Variants in PIEZO2 observed in about 807,000 individuals in gnomAD.
PIEZO2 encodes the protein piezo type mechanosensitive ion channel component 2, also known as piezo-type mechanosensitive ion channel component 2.
Under a neutral mutation model 337.3 loss-of-function variants are expected in PIEZO2, and 172 were observed. The observed-to-expected ratio is 0.51, with a 90% confidence interval of 0.45 to 0.58. The LOEUF is 0.58. Among genes scored for constraint, PIEZO2 ranks in the 20% least tolerant of loss-of-function variants. PIEZO2 has a pLI of 0.00. For synonymous variants in PIEZO2, 1,251 were observed against 1,228.5 expected, an observed-to-expected ratio of 1.02 and a Z score of -0.38; for missense variants, 3,028 against 3,391.3, an observed-to-expected ratio of 0.89 and a Z score of 2.66.
chr18:10,835,994 G>C lies in PIEZO2; in HGVS notation c.917+19359C>G, dbSNP rs544623984. On this transcript the variant is annotated intron_variant, in intron 7 of 55. Coordinates refer to ENST00000674853, the MANE Select transcript of PIEZO2 (RefSeq NM_001378183.1). Reference sequence around the variant, plus strand: ...CTCTGACAGAGTAATATCAGTGTCAGAAACTAATGTAAACAGGTCCAAATA... The same window carrying C: ...CTCTGACAGAGTAATATCAGTGTCACAAACTAATGTAAACAGGTCCAAATA... Among the ~76,000 whole-genome samples the C allele has an allele frequency of 1.6e-4, 25 of 152,324 alleles. No homozygotes were observed. In the East Asian group the frequency reaches 4.8e-3, roughly 29 times the overall value.
At chr18:10,845,200 G>GTTTA (rs1555658863) in intron 7 of PIEZO2, among the ~76,000 whole-genome samples, 3 of 149,130 alleles carry the variant, frequency 2.0e-5, no homozygotes, top group Non-Finnish European at 1.5e-5. Flanking sequence ...GTGTGTGTGT[G>GTTTA]TATATATATA....
chr18:10,948,052 G>T (rs945013141), intron 3 of PIEZO2, among the ~76,000 whole-genome samples: 1 of 152,030 alleles, frequency 6.6e-6, no homozygotes, highest in African/African-American at 2.4e-5. Context: ...AAAAAACAGT[G>T]GATGACAGAC....
chr18:10,687,656 G>A (rs1209664748), intron 49 of PIEZO2, among the ~76,000 whole-genome samples: 2 of 152,166 alleles, frequency 1.3e-5, no homozygotes, highest in East Asian at 1.9e-4. Context: ...GAAGAATGTG[G>A]TAGAAGCACT....
intron 49 of PIEZO2, among the ~76,000 whole-genome samples, chr18:10,685,424 T>A (rs2034506347): frequency 6.6e-6 from 1 of 152,164 alleles, no homozygotes; most frequent in Non-Finnish European, 1.5e-5. Context: ...TATACTTAAG[T>A]AGCTGTGATA....
In PIEZO2 at chr18:10,945,771, A is replaced by G. The variant is rs1459848738; in HGVS notation, c.286+33764T>C. Among the ~76,000 whole-genome samples, 3 of 152,240 alleles carry G rather than the reference A, an allele frequency of 2.0e-5. No homozygotes were observed. The highest frequency in any genetic ancestry group is 7.2e-5 in the African/African-American group (3 of 41,468). ...GAAGGCAAGAAAATAAAAAGTTATT[A>G]TAATTGCATTCCATATGTTCAAACA... On this transcript the variant is annotated intron_variant, in intron 3 of 55. Coordinates refer to ENST00000674853, the MANE Select transcript of PIEZO2 (RefSeq NM_001378183.1). The surrounding 1 kb of genome is among the most constrained non-coding windows in gnomAD (Gnocchi z 4.0).
intron 7 of PIEZO2, among the ~76,000 whole-genome samples, chr18:10,835,514 A>ACT (rs1289743578): frequency 6.6e-6 from 1 of 151,960 alleles, no homozygotes; most frequent in Non-Finnish European, 1.5e-5. Flanking sequence ...CTGGAACCAA[A>ACT]CTTAGCTACA....
chr18:10,752,619 C>T lies in PIEZO2; in HGVS notation c.4167+17G>A. The T allele has an allele frequency of 2.0e-6, 3 of 1,536,092 alleles. No homozygotes were observed. Among genetic ancestry groups the T allele is most frequent in the Non-Finnish European group, 2.6e-6 (3 of 1,146,080 alleles). On this transcript the variant is annotated intron_variant, in intron 28 of 55. Coordinates refer to ENST00000674853, the MANE Select transcript of PIEZO2 (RefSeq NM_001378183.1). ...ACACGAAAACCGCAAATGTGTTATG[C>T]AGTGGCAACCACTTACTGACAGGAT... is the stretch of plus-strand genomic sequence containing the variant.
chr18:11,068,050 T>C (rs539900787), intron 1 of PIEZO2, among the ~76,000 whole-genome samples: 44 of 152,146 alleles, frequency 2.9e-4, no homozygotes, highest in Non-Finnish European at 5.4e-4. Flanking sequence ...GCCTCCCGAG[T>C]AACTGGGACT....
At position 10,748,437 on chromosome 18, in the gene PIEZO2, G is replaced by T; in HGVS notation, c.4424+34C>A. Reference sequence around the variant, plus strand: ...CAATATTATTTCAGGCAAGTTTCCTGGGAGAAACCACCTGATTTCATGGCC... The same window carrying T: ...CAATATTATTTCAGGCAAGTTTCCTTGGAGAAACCACCTGATTTCATGGCC... On this transcript the variant is annotated intron_variant, in intron 30 of 55. Coordinates refer to ENST00000674853, the MANE Select transcript of PIEZO2 (RefSeq NM_001378183.1). The surrounding 1 kb of genome is among the most constrained non-coding windows in gnomAD (Gnocchi z 5.1). 6.5e-7 allele frequency: 1 copy of T among 1,532,398 alleles called. No individual in the cohort carries two copies. Among genetic ancestry groups the T allele is most frequent in the Non-Finnish European group, 8.7e-7 (1 of 1,143,708 alleles). 94.9% of individuals were successfully genotyped at this position (1,532,398 alleles called of 1,614,324 possible).
At chr18:11,005,758 T>C (rs866600665) in intron 2 of PIEZO2, among the ~76,000 whole-genome samples, 2 of 152,230 alleles carry the variant, frequency 1.3e-5, no homozygotes, top group African/African-American at 4.8e-5. Context: ...CCTTGTGACC[T>C]GCTGTGTTTA....
At chr18:11,030,983 C>G (rs1482824363) in intron 2 of PIEZO2, among the ~76,000 whole-genome samples, 1 of 145,602 alleles carries the variant, frequency 6.9e-6, no homozygotes, top group Non-Finnish European at 1.5e-5. Context: ...GAAGTTGCTT[C>G]TGGAATTTTG....
At chr18:10,770,885 C>T (rs930843251) in intron 20 of PIEZO2, among the ~76,000 whole-genome samples, 1 of 152,000 alleles carries the variant, frequency 6.6e-6, no homozygotes, top group Non-Finnish European at 1.5e-5. Flanking sequence ...CACATACCAC[C>T]ATGCCCAGCT....
chr18:11,070,314 C>A lies in PIEZO2; in HGVS notation c.65-4092G>T, dbSNP rs1282720515. ...GGCACTATAATCTTAGGGGACCAAC[C>A]CCACAGACTGTCAACATTCCTGCTC... On this transcript the variant is annotated intron_variant, in intron 1 of 55. Transcript: ENST00000674853. This position sits in a 1 kb window ranked among gnomAD's most constrained non-coding sequence, Gnocchi z 4.3. Among the ~76,000 whole-genome samples, 1 of 152,054 alleles carries A rather than the reference C, an allele frequency of 6.6e-6. No homozygotes were observed. The highest frequency in any genetic ancestry group is 1.5e-5 in the Non-Finnish European group (1 of 68,010).
In PIEZO2 at chr18:10,716,938, A is replaced by G. The variant is rs1040881999; in HGVS notation, c.5090-1122T>C. Among the ~76,000 whole-genome samples, 3 of 152,182 alleles carry G rather than the reference A, an allele frequency of 2.0e-5. No individual in the cohort carries two copies. The highest frequency in any genetic ancestry group is 2.9e-5 in the Non-Finnish European group (2 of 68,038). On this transcript the variant is annotated intron_variant, in intron 37 of 55. Coordinates refer to ENST00000674853, the MANE Select transcript of PIEZO2 (RefSeq NM_001378183.1). The surrounding 1 kb of genome is among the most constrained non-coding windows in gnomAD (Gnocchi z 4.1). The stretch of plus-strand genomic sequence containing the variant: ...TGTAAGGCTGCAGCCACCGCACTGG[A>G]GACGTGAATCACAGGCGCTTTGTGA...
rs1301128179 is a variant in PIEZO2, at chr18:10,952,924, T to G, written c.286+26611A>C. ...CATCCCTCCCTCCCTCCTTCCTTCCTTCTTTTTTTCATTCTAAGAAGTATA... is the reference window on the plus strand; with the variant it reads ...CATCCCTCCCTCCCTCCTTCCTTCCGTCTTTTTTTCATTCTAAGAAGTATA... On this transcript the variant is annotated intron_variant, in intron 3 of 55. Coordinates refer to ENST00000674853, the MANE Select transcript of PIEZO2 (RefSeq NM_001378183.1). The surrounding 1 kb of genome is among the most constrained non-coding windows in gnomAD (Gnocchi z 4.1). 2.0e-5 allele frequency among the ~76,000 whole-genome samples: 3 copies of G among 150,756 alleles called. No homozygotes were observed. The highest frequency in any genetic ancestry group is 7.3e-5 in the African/African-American group (3 of 41,134).
In PIEZO2 at chr18:10,888,774, G is replaced by C. The variant is rs2042678278; in HGVS notation, c.330-17359C>G. On this transcript the variant is annotated intron_variant, in intron 4 of 55. Transcript: ENST00000674853. The surrounding 1 kb of genome is among the most constrained non-coding windows in gnomAD (Gnocchi z 4.1). ...TAGTTAAGTTCCCCATCAGTGATTT[G>C]TTTAATGTAACTAATTCCCAATCCA... is the stretch of plus-strand genomic sequence containing the variant. 6.6e-6 allele frequency among the ~76,000 whole-genome samples: 1 copy of C among 151,674 alleles called. No homozygotes were observed. The highest frequency in any genetic ancestry group is 2.4e-5 in the African/African-American group (1 of 41,248).
chr18:10,734,181 A>T (rs11080447), intron 35 of PIEZO2, among the ~76,000 whole-genome samples: 49,507 of 152,142 alleles, frequency 0.33, 8,869 homozygotes, highest in East Asian at 0.53. Context: ...AATAAATTCT[A>T]AAATATGAAT....
Position 11,016,738 on chromosome 18 carries a change from C to T in PIEZO2, c.161-37078G>A, listed in dbSNP as rs1329831704. Among the ~76,000 whole-genome samples the T allele has an allele frequency of 6.6e-6, 1 of 152,160 alleles. No individual in the cohort carries two copies. Among genetic ancestry groups the T allele is most frequent in the Non-Finnish European group, 1.5e-5 (1 of 68,010 alleles). ...CATCAAATAATGTAATGTTTTTTCA[C>T]TGGAGGCAAATTCCTTCCCAGTTTT... On this transcript the variant is annotated intron_variant, in intron 2 of 55. Coordinates refer to ENST00000674853, the MANE Select transcript of PIEZO2 (RefSeq NM_001378183.1). The surrounding 1 kb of genome is among the most constrained non-coding windows in gnomAD (Gnocchi z 5.6).
rs938218215 is a variant in PIEZO2 at position 10,850,377 on chromosome 18, T to C, written c.917+4976A>G. On this transcript the variant is annotated intron_variant, in intron 7 of 55. Coordinates refer to ENST00000674853, the MANE Select transcript of PIEZO2 (RefSeq NM_001378183.1). This position sits in a 1 kb window ranked among gnomAD's most constrained non-coding sequence, Gnocchi z 4.5. ...CGCAAACCGGTAAGCTAGTTAACAT[T>C]ATGTTGGCCTAGGACCTGGACACCT... Among the ~76,000 whole-genome samples, 3 of 152,168 alleles carry C rather than the reference T, an allele frequency of 2.0e-5. No individual in the cohort carries two copies. The highest frequency in any genetic ancestry group is 4.4e-5 in the Non-Finnish European group (3 of 68,024).
Sources: allele counts gnomAD v4.1 joint callset (sites outside exome capture counted in the v4.1 genomes callset), GRCh38; gene constraint gnomAD v4.1.1; non-coding constraint Gnocchi (gnomAD v3.1); transcripts MANE v1.5; gene names NCBI Gene and HGNC (gene_info 2026-07-23, HGNC 2026-07-21).